The following RTP5 variants were observed in gnomAD, a reference collection of about 807,000 sequenced individuals.
RTP5 encodes the protein receptor-transporting protein 5.
In RTP5, 30 loss-of-function variants were observed where a neutral mutation model predicts 23.5. The observed-to-expected ratio is 1.27, with a 90% CI of 0.95 to 1.73. The LOEUF is 1.73. Among genes scored for constraint, RTP5 ranks in the 40% most tolerant of loss-of-function variants. The probability of loss-of-function intolerance (pLI) is 0.00; values close to 1 mark genes in which losing one functional copy is unlikely to be tolerated. For missense variants in RTP5, 807 were observed against 784.2 expected, an observed-to-expected ratio of 1.03 and a Z score of -0.35; for synonymous variants, 354 against 342.1, an observed-to-expected ratio of 1.03 and a Z score of -0.38.
Position 241,872,503 on chromosome 2 carries a change from C to A in RTP5, c.948C>A (p.Val316=), listed in dbSNP as rs772610074. Residue 316 remains valine (V), a synonymous_variant, in exon 2 of 2, where the codon GTC becomes GTA. Transcript: ENST00000343216. ...CCATCTCCCTCAACAATGGCCTCGT[C>A]CCTGTGGGGAAACACACGCCAACCG... ...WGPISLNNGL[V]PVGKHTPTVF... 4 of 1,589,966 alleles carry A rather than the reference C, an allele frequency of 2.5e-6. No individual in the cohort carries two copies. In the East Asian group the frequency reaches 6.8e-5, roughly 27 times the overall value.
chr2:241,873,084 T>A lies in RTP5; in HGVS notation c.1529T>A (p.Leu510Gln). 1 of 1,612,862 alleles carries A rather than the reference T, an allele frequency of 6.2e-7. No individual in the cohort carries two copies. Among genetic ancestry groups the A allele is most frequent in the Non-Finnish European group, 8.5e-7 (1 of 1,179,930 alleles). ...CAAGGCTATTACCAGAAGAGGCAGC[T>A]GAGGTCCAGGTTCCACAAGGCCCGC... Reference protein sequence around the residue: ...FSQGYYQKRQLRSRFHKARCG... With the variant: ...FSQGYYQKRQQRSRFHKARCG... Residue 510 changes from leucine to glutamine, a missense_variant, in exon 2 of 2, where the codon CTG becomes CAG. Transcript: ENST00000343216.
chr2:241,869,987 C>A, intron 1 of RTP5, 73 bp downstream of exon 1: 2 of 1,355,206 alleles, frequency 1.5e-6, no homozygotes, highest in Non-Finnish European at 1.9e-6. Flanking sequence ...CTTGGGTGGT[C>A]CCAGAGGCTG....
At position 241,872,297 on chromosome 2, in the gene RTP5, C is replaced by G; in HGVS notation, c.742C>G (p.Leu248Val). 6.3e-7 allele frequency: 1 copy of G among 1,599,722 alleles called. No individual in the cohort carries two copies. Among genetic ancestry groups the G allele is most frequent in the South Asian group, 1.1e-5 (1 of 90,118 alleles). The change falls in exon 2 of 2, where the codon CTG becomes GTG. Residue 248 changes from leucine (L) to valine (V), a missense_variant. By Grantham distance (32) the Leu-to-Val change is conservative. Transcript: ENST00000343216. The stretch of plus-strand genomic sequence containing the variant: ...GGTCATCGGCCAGGGCTCCATCTTC[C>G]TGTCTGGGGATTCAGTGGCCATGCC... ...ALVIGQGSIF[L>V]SGDSVAMPGG...
chr2:241,870,848 C>G (rs1042670696), intron 1 of RTP5: 3 of 439,806 alleles, frequency 6.8e-6, no homozygotes, highest in African/African-American at 6.1e-5. Context: ...GTCAGCAGTT[C>G]AGTTCCTCCA....
chr2:241,869,859 G>A lies in RTP5; in HGVS notation c.103G>A (p.Val35Ile), dbSNP rs779393292. The A allele has an allele frequency of 6.9e-6, 11 of 1,588,054 alleles. No homozygotes were observed. The South Asian group carries it at 1.3e-4, about 18-fold the overall frequency. The change falls in exon 1 of 2, where the codon GTC becomes ATC. Residue 35 changes from valine to isoleucine, a missense_variant. By Grantham distance (29) the Val-to-Ile change is conservative. Transcript: ENST00000343216. ...VWVLLPEHSL[V>I]PGCLDGGGVQ... ...GGTTCTGCTACCTGAGCACAGCCTG[G>A]TCCCGGGATGCCTGGACGGCGGTGG... is the stretch of plus-strand genomic sequence containing the variant.
At chr2:241,871,654 G>A (rs1242972101) in intron 1 of RTP5, 60 bp from the exon 2 acceptor site, 9 of 1,512,468 alleles carry the variant, frequency 6.0e-6, no homozygotes, top group South Asian at 5.3e-5. Flanking sequence ...AGCAGAGTGC[G>A]AGGGCTGGGC....
chr2:241,870,022 G>T, intron 1 of RTP5, 108 bp downstream of exon 1: 1 of 1,137,058 alleles, frequency 8.8e-7, no homozygotes, highest in Non-Finnish European at 1.2e-6. Context: ...GCCTCGTCTT[G>T]TCCCCGAGAC....
In RTP5 at chr2:241,872,079, C is replaced by T. The variant is rs1701331321; in HGVS notation, c.524C>T (p.Ala175Val). ...ACAAAAGGCAACTTCCCCGCCACGG[C>T]CTGGGGTGGCACTGGCACCGTCTCC... ...NATKGNFPAT[A>V]WGGTGTVSRG... Residue 175 changes from alanine to valine, a missense_variant, in exon 2 of 2, where the codon GCC (alanine) becomes GTC (valine). Coordinates refer to ENST00000343216, the MANE Select transcript of RTP5 (RefSeq NM_173821.3). 1.9e-6 allele frequency: 3 copies of T among 1,578,882 alleles called. No homozygotes were observed. Among genetic ancestry groups the T allele is most frequent in the Admixed American group, 1.8e-5 (1 of 57,126 alleles).
intron 1 of RTP5, among the ~76,000 whole-genome samples, chr2:241,870,483 G>A (rs1435282588): frequency 6.6e-6 from 1 of 152,252 alleles, no homozygotes; most frequent in Non-Finnish European, 1.5e-5. Flanking sequence ...GGGGCGCGGG[G>A]CAGCTCCACA....
rs1392043686 is a variant in RTP5, at chr2:241,873,062, G to A, written c.1507G>A (p.Gly503Ser). The stretch of plus-strand genomic sequence containing the variant: ...CCAGGGCAATGGCTGCTTCTCCCAA[G>A]GCTATTACCAGAAGAGGCAGCTGAG... Reference protein sequence around the residue: ...GPQGNGCFSQGYYQKRQLRSR... With the variant: ...GPQGNGCFSQSYYQKRQLRSR... The change falls in exon 2 of 2, where the codon GGC becomes AGC. Residue 503 changes from glycine (G) to serine (S), a missense_variant. Physicochemically the swap from Gly to Ser is moderately conservative, Grantham distance 56. Transcript: ENST00000343216. 6.2e-7 allele frequency: 1 copy of A among 1,613,044 alleles called. No homozygotes were observed. The highest frequency in any genetic ancestry group is 8.5e-7 in the Non-Finnish European group (1 of 1,179,920).
At chr2:241,871,013 C>T (rs896842289) in intron 1 of RTP5, 70 of 471,008 alleles carry the variant, frequency 1.5e-4, no homozygotes, top group East Asian at 6.9e-5. Context: ...CTCACAGCTG[C>T]TTGTGTGGCT....
chr2:241,873,395 C>T lies in RTP5; in HGVS notation c.*121C>T, dbSNP rs1331099916. 7.8e-6 allele frequency: 9 copies of T among 1,151,638 alleles called. No individual in the cohort carries two copies. Among genetic ancestry groups the T allele is most frequent in the African/African-American group, 1.7e-5 (1 of 58,740 alleles). 71.3% of individuals were successfully genotyped at this position (1,151,638 alleles called of 1,614,324 possible). A position where few individuals can be genotyped will look rare whatever the true frequency, so the allele number is the denominator to read the frequency against. The stretch of plus-strand genomic sequence containing the variant: ...GACCCCGCCTCCACCTCCGAGACCC[C>T]TTTCTCTGAGACCCCCGCCTCTGAG... On this transcript the variant is annotated 3_prime_UTR_variant, in exon 2 of 2. Transcript: ENST00000343216.
intron 1 of RTP5, chr2:241,871,317 A>G (rs953942724): frequency 1.5e-5 from 5 of 341,048 alleles, no homozygotes; most frequent in Non-Finnish European, 2.9e-5. Context: ...CTCACAAAAC[A>G]CCAGCAGAGC....
At position 241,871,835 on chromosome 2, in the gene RTP5, T is replaced by A; in HGVS notation, c.280T>A (p.Cys94Ser). ...LVKMRIWGQR[C>S]RLCPAPGDCQ... ...GAAGATGCGCATCTGGGGCCAGCGGTGCAGGCTGTGCCCCGCACCCGGGGA... is the reference window on the plus strand; with the variant it reads ...GAAGATGCGCATCTGGGGCCAGCGGAGCAGGCTGTGCCCCGCACCCGGGGA... Residue 94 changes from cysteine (C) to serine (S), a missense_variant, in exon 2 of 2, where the codon TGC (cysteine) becomes AGC (serine). Physicochemically the swap from Cys to Ser is moderately radical, Grantham distance 112. Transcript: ENST00000343216. 1 of 1,552,118 alleles carries A rather than the reference T, an allele frequency of 6.4e-7. No individual in the cohort carries two copies. Among genetic ancestry groups the A allele is most frequent in the Non-Finnish European group, 8.7e-7 (1 of 1,148,548 alleles).
Position 241,872,226 on chromosome 2 carries a change from C to A in RTP5, c.671C>A (p.Pro224His). ...GTGCCCATCGCTGAGGGCCCTGCCC[C>A]CCCTGCGGGGGCCTCTCTCCCTGTG... ...DQVPIAEGPA[P>H]PAGASLPVTG... The change falls in exon 2 of 2, where the codon CCC becomes CAC. Residue 224 changes from proline (P) to histidine (H), a missense_variant. Physicochemically the swap from Pro to His is moderately conservative, Grantham distance 77. Coordinates refer to ENST00000343216, the MANE Select transcript of RTP5 (RefSeq NM_173821.3). The A allele has an allele frequency of 6.2e-7, 1 of 1,608,804 alleles. No individual in the cohort carries two copies. Among genetic ancestry groups the A allele is most frequent in the Non-Finnish European group, 8.5e-7 (1 of 1,177,098 alleles).
Position 241,871,662 on chromosome 2 carries a change from G to T in RTP5, c.159-52G>T. On this transcript the variant is annotated intron_variant, in intron 1 of 1. Coordinates refer to ENST00000343216, the MANE Select transcript of RTP5 (RefSeq NM_173821.3). ...GCCGCAGAGCAGAGTGCGAGGGCTG[G>T]GCGTGGGGCCTCTTTCTCCTGCACT... The T allele has an allele frequency of 2.6e-6, 4 of 1,525,818 alleles. No homozygotes were observed. In the South Asian group the frequency reaches 5.2e-5, roughly 20 times the overall value. The allele number at this position is 1,525,818 out of a possible 1,614,324, so 94.5% of individuals were successfully genotyped here.
chr2:241,871,840 G>T lies in RTP5; in HGVS notation c.285G>T (p.Arg95Ser). 6.4e-7 allele frequency: 1 copy of T among 1,550,540 alleles called. No homozygotes were observed. Among genetic ancestry groups the T allele is most frequent in the Non-Finnish European group, 8.7e-7 (1 of 1,147,166 alleles). Residue 95 changes from arginine (R) to serine (S), a missense_variant, in exon 2 of 2, where the codon AGG (arginine) becomes AGT (serine). By Grantham distance (110) the Arg-to-Ser change is moderately radical. Transcript: ENST00000343216. ...VKMRIWGQRC[R>S]LCPAPGDCQV... ...TGCGCATCTGGGGCCAGCGGTGCAG[G>T]CTGTGCCCCGCACCCGGGGACTGCC...
chr2:241,871,991 G>A lies in RTP5; in HGVS notation c.436G>A (p.Ala146Thr). Reference protein sequence around the residue: ...PREAYEGCCEACELGVCFLQK... With the variant: ...PREAYEGCCETCELGVCFLQK... ...GGAGGCCTATGAGGGCTGCTGTGAGGCCTGTGAGCTGGGGGTCTGCTTCCT... is the reference window on the plus strand; with the variant it reads ...GGAGGCCTATGAGGGCTGCTGTGAGACCTGTGAGCTGGGGGTCTGCTTCCT... Residue 146 changes from alanine to threonine, a missense_variant, in exon 2 of 2, where the codon GCC becomes ACC. By Grantham distance (58) the Ala-to-Thr change is moderately conservative (BLOSUM62 0). Coordinates refer to ENST00000343216, the MANE Select transcript of RTP5 (RefSeq NM_173821.3). 1 of 1,585,434 alleles carries A rather than the reference G, an allele frequency of 6.3e-7. No individual in the cohort carries two copies. The highest frequency in any genetic ancestry group is 1.1e-5 in the South Asian group (1 of 88,426).
At position 241,872,896 on chromosome 2, in the gene RTP5, C is replaced by G. The variant is rs773326271; in HGVS notation, c.1341C>G (p.Gly447=). ...CTGAAGGCAAAGAGAAGGAAGGTGGCCTGGTCACCGCGGGTCACGACGCCC... is the reference window on the plus strand; with the variant it reads ...CTGAAGGCAAAGAGAAGGAAGGTGGGCTGGTCACCGCGGGTCACGACGCCC... ...DITEGKEKEG[G]LVTAGHDAPL... The change falls in exon 2 of 2, where the codon GGC becomes GGG. Residue 447 remains glycine, a synonymous_variant. Coordinates refer to ENST00000343216, the MANE Select transcript of RTP5 (RefSeq NM_173821.3). The G allele has an allele frequency of 3.7e-6, 6 of 1,612,944 alleles. No homozygotes were observed. In the South Asian group the frequency reaches 5.5e-5, roughly 15 times the overall value.
Sources: allele counts gnomAD v4.1 joint callset (sites outside exome capture counted in the v4.1 genomes callset), GRCh38; gene constraint gnomAD v4.1.1; transcripts MANE v1.5; gene names NCBI Gene and HGNC (gene_info 2026-07-23, HGNC 2026-07-21).